The following DDC variants were observed in gnomAD, a reference collection of about 807,000 sequenced individuals.
DDC encodes the protein aromatic-L-amino-acid decarboxylase.
A neutral mutation model predicts 60.0 loss-of-function variants in DDC; 43 were observed. The observed-to-expected ratio is 0.72, with a 90% CI of 0.56 to 0.92. The LOEUF is 0.92. DDC is among the 40% of genes least tolerant of loss of function. The pLI is 0.00. For missense variants in DDC, 573 were observed against 620.2 expected, an observed-to-expected ratio of 0.92 and a Z score of 0.81; for synonymous variants, 232 against 234.6, an observed-to-expected ratio of 0.99 and a Z score of 0.10.
At chr7:50,524,497 T>C (rs879375671) in intron 6 of DDC, among the ~76,000 whole-genome samples, 2 of 152,106 alleles carry the variant, frequency 1.3e-5, no homozygotes, top group Admixed American at 6.5e-5. Context: ...ATCATCCAAT[T>C]AGAAAATGGG....
intron 4 of DDC, among the ~76,000 whole-genome samples, chr7:50,530,451 C>T (rs1166500786): frequency 1.3e-5 from 2 of 152,092 alleles, no homozygotes; most frequent in Non-Finnish European, 2.9e-5. Flanking sequence ...AATTCTTCTT[C>T]GATCCACCCA....
chr7:50,520,747 C>G (rs2043866301), intron 6 of DDC, among the ~76,000 whole-genome samples: 1 of 152,044 alleles, frequency 6.6e-6, no homozygotes, highest in Non-Finnish European at 1.5e-5. Flanking sequence ...AATCCCATCT[C>G]TACTAAAAAT....
chr7:50,467,385 C>T, intron 12 of DDC, 70 bp from the exon 13 acceptor site: 1 of 1,249,976 alleles, frequency 8.0e-7, no homozygotes, highest in Non-Finnish European at 1.2e-6. Flanking sequence ...ACCTAGAAAA[C>T]CTTATTAGAC....
chr7:50,532,103 A>G (rs1252304547), intron 4 of DDC, among the ~76,000 whole-genome samples: 3 of 152,232 alleles, frequency 2.0e-5, no homozygotes, highest in African/African-American at 7.2e-5. Flanking sequence ...TGACGCCCAC[A>G]GCTGTGATTA....
chr7:50,535,042 A>G (rs2044349914), intron 4 of DDC, among the ~76,000 whole-genome samples: 1 of 152,316 alleles, frequency 6.6e-6, no homozygotes, highest in African/African-American at 2.4e-5. Flanking sequence ...GCTGGGACTG[A>G]AGCATGATTC....
intron 9 of DDC, among the ~76,000 whole-genome samples, chr7:50,494,044 A>C (rs539236139): frequency 2.0e-5 from 3 of 152,326 alleles, no homozygotes; most frequent in South Asian, 2.1e-4. Flanking sequence ...ATGATCAATC[A>C]ATCAACTTCT....
At chr7:50,537,765 A>C in intron 4 of DDC, 95 bp downstream of exon 4, 1 of 1,484,202 alleles carries the variant, frequency 6.7e-7, no homozygotes, top group Non-Finnish European at 9.4e-7. Context: ...TTGAGGAACT[A>C]ACAAGAAGCA....
At chr7:50,483,809 C>A (rs2042822224) in intron 9 of DDC, among the ~76,000 whole-genome samples, 1 of 151,326 alleles carries the variant, frequency 6.6e-6, no homozygotes, top group Non-Finnish European at 1.5e-5. Context: ...GAGGCTGAGG[C>A]AGGAGAATGG....
At chr7:50,473,267 T>C (rs2042572158) in intron 11 of DDC, among the ~76,000 whole-genome samples, 1 of 152,064 alleles carries the variant, frequency 6.6e-6, no homozygotes, top group Non-Finnish European at 1.5e-5. Context: ...AGAGGTGCCC[T>C]GGGGGCTCTG....
In DDC at chr7:50,467,237, C is replaced by T; in HGVS notation, c.1219G>A (p.Gly407Arg). 7 of 1,614,090 alleles carry T rather than the reference C, an allele frequency of 4.3e-6. No individual in the cohort carries two copies. The highest frequency in any genetic ancestry group is 5.9e-6 in the Non-Finnish European group (7 of 1,179,976). The change falls in exon 13 of 15, where the codon GGG (glycine) becomes AGG (arginine). Residue 407 changes from glycine to arginine, a missense_variant. Coordinates refer to ENST00000444124, the MANE Select transcript of DDC (RefSeq NM_001082971.2). ...RFEICVEVIL[G>R]LVCFRLKGSN... The stretch of plus-strand genomic sequence containing the variant: ...ACCTTTAGCCGAAAGCAGACAAGCC[C>T]CAGAATGACTTCCACACAGATTTCA...
intron 10 of DDC, among the ~76,000 whole-genome samples, chr7:50,478,068 C>G (rs970732334): frequency 6.6e-6 from 1 of 151,602 alleles, no homozygotes; most frequent in Non-Finnish European, 1.5e-5. Context: ...AAAAAATTAT[C>G]TGGGCCTTGT....
intron 1 of DDC, among the ~76,000 whole-genome samples, chr7:50,549,315 A>G (rs2044904955): frequency 6.6e-6 from 1 of 152,210 alleles, no homozygotes; most frequent in Non-Finnish European, 1.5e-5. Context: ...AGCAAAGTAA[A>G]TTAAAAACCT....
chr7:50,518,291 T>C (rs2043794465), intron 6 of DDC, among the ~76,000 whole-genome samples: 1 of 151,266 alleles, frequency 6.6e-6, no homozygotes, highest in Non-Finnish European at 1.5e-5. Context: ...AGAATCAATA[T>C]TGTGAAAATG....
At chr7:50,554,955 G>A (rs1451374) in intron 1 of DDC, among the ~76,000 whole-genome samples, 49,416 of 151,982 alleles carry the variant, frequency 0.33, 8,676 homozygotes, top group East Asian at 0.48. Context: ...CTCGGCTTGC[G>A]TCTTATCTCC....
intron 10 of DDC, among the ~76,000 whole-genome samples, chr7:50,479,309 C>T (rs2042715508): frequency 6.6e-6 from 1 of 152,202 alleles, no homozygotes; most frequent in Admixed American, 6.5e-5. Context: ...GACTTAGGTG[C>T]ACCTTTGTGT....
chr7:50,466,209 G>C (rs1293653677), intron 13 of DDC, among the ~76,000 whole-genome samples: 3 of 152,186 alleles, frequency 2.0e-5, no homozygotes, highest in Non-Finnish European at 4.4e-5. Flanking sequence ...AGCTACCTCA[G>C]CCGGGCGCAG....
rs566197543 is a variant in DDC, at chr7:50,561,721, C to T, written c.-29+3564G>A. 2.1e-4 allele frequency among the ~76,000 whole-genome samples: 32 copies of T among 152,112 alleles called. No homozygotes were observed. In the Middle Eastern group the frequency reaches 0.01, roughly 49 times the overall value. Reference sequence around the variant, plus strand: ...GGGTGCAATAGAAGGAGCAGGACTCCGTTTCTCCTGAAGGTGCACGCAGAG... The same window carrying T: ...GGGTGCAATAGAAGGAGCAGGACTCTGTTTCTCCTGAAGGTGCACGCAGAG... On this transcript the variant is annotated intron_variant, in intron 1 of 14. Coordinates refer to ENST00000444124, the MANE Select transcript of DDC (RefSeq NM_001082971.2).
At chr7:50,468,270 C>T (rs766431881) in intron 12 of DDC, among the ~76,000 whole-genome samples, 1 of 152,272 alleles carries the variant, frequency 6.6e-6, no homozygotes, top group Non-Finnish European at 1.5e-5. Context: ...AGGAGACAGG[C>T]TTTGAGCATC....
chr7:50,506,437 G>A (rs2043397636), intron 6 of DDC, among the ~76,000 whole-genome samples: 1 of 152,136 alleles, frequency 6.6e-6, no homozygotes, highest in Non-Finnish European at 1.5e-5. Flanking sequence ...ACACCAACCT[G>A]GCACATGTAT....
Sources: gnomAD v4.1 joint callset for allele counts (sites outside exome capture counted in the v4.1 genomes callset) on GRCh38, gnomAD v4.1.1 for gene constraint, MANE v1.5 for transcripts, NCBI Gene and HGNC (gene_info 2026-07-23, HGNC 2026-07-21) for gene names.